STT3B: variants seen among roughly 807,000 people sequenced by gnomAD.
STT3B encodes dolichyl-diphosphooligosaccharide--protein glycosyltransferase subunit STT3B.
STT3B carries 29 observed loss-of-function variants against 96.8 expected under a neutral mutation model. The observed-to-expected ratio is 0.30, with a 90% CI of 0.22 to 0.41. The LOEUF (loss-of-function observed/expected upper bound fraction) is 0.41. Ranked by LOEUF, STT3B falls within the 10% of genes least tolerant of loss-of-function variation. The probability of loss-of-function intolerance (pLI) is 1.00; values close to 1 mark genes in which losing one functional copy is unlikely to be tolerated. For missense variants in STT3B, 640 were observed against 1,022.3 expected (o/e 0.63, Z 5.10); for synonymous variants, 367 against 360.0 (o/e 1.02, Z -0.22).
intron 8 of STT3B, 30 bp from the exon 9 acceptor site, chr3:31,619,646 T>C: frequency 1.3e-6 from 2 of 1,582,892 alleles, no homozygotes. Context: ...ATCACTTAAT[T>C]GTAAACAATA....
intron 1 of STT3B, among the ~76,000 whole-genome samples, chr3:31,571,342 C>T (rs1479005685): frequency 6.6e-6 from 1 of 151,150 alleles, no homozygotes; most frequent in African/African-American, 2.4e-5. Context: ...CCAGTTATGC[C>T]TTCAATACTT....
chr3:31,534,210 C>T (rs1362126044), intron 1 of STT3B, among the ~76,000 whole-genome samples: 1 of 152,162 alleles, frequency 6.6e-6, no homozygotes, highest in African/African-American at 2.4e-5. Flanking sequence ...AACAGTACCA[C>T]GGTGATGGGA....
chr3:31,592,208 T>C (rs1334374482), intron 3 of STT3B, among the ~76,000 whole-genome samples: 1 of 152,210 alleles, frequency 6.6e-6, no homozygotes, highest in African/African-American at 2.4e-5. Flanking sequence ...TGGAATCATA[T>C]AGTAGTTGTC....
At chr3:31,560,948 ATTTC>A (rs1225323970) in intron 1 of STT3B, among the ~76,000 whole-genome samples, 1 of 151,880 alleles carries the variant, frequency 6.6e-6, no homozygotes, top group Admixed American at 6.6e-5. Flanking sequence ...TTTAAAATTT[ATTTC>A]TTTATTTTTG....
intron 13 of STT3B, among the ~76,000 whole-genome samples, chr3:31,627,842 A>C (rs1699567548): frequency 6.6e-6 from 1 of 152,224 alleles, no homozygotes; most frequent in African/African-American, 2.4e-5. Context: ...TTAATATTAC[A>C]GAAGTCCTAA....
At chr3:31,607,398 C>G (rs561083545) in intron 5 of STT3B, among the ~76,000 whole-genome samples, 6 of 152,178 alleles carry the variant, frequency 3.9e-5, no homozygotes, top group Middle Eastern at 6.8e-3. Flanking sequence ...TGGGAGAGAC[C>G]CGGTGGGAAA....
At chr3:31,607,173 G>C (rs576920589) in intron 5 of STT3B, among the ~76,000 whole-genome samples, 1 of 152,256 alleles carries the variant, frequency 6.6e-6, no homozygotes, top group South Asian at 2.1e-4. Context: ...GAAGGGATTT[G>C]CCTTGTCTTG....
At chr3:31,535,665 G>A (rs910969500) in intron 1 of STT3B, among the ~76,000 whole-genome samples, 5 of 152,188 alleles carry the variant, frequency 3.3e-5, no homozygotes, top group African/African-American at 1.2e-4. Flanking sequence ...GAAGGTTGCA[G>A]TGAGCCGAGA....
intron 1 of STT3B, among the ~76,000 whole-genome samples, chr3:31,549,892 C>A (rs922356988): frequency 6.6e-6 from 1 of 152,028 alleles, no homozygotes; most frequent in Non-Finnish European, 1.5e-5. Flanking sequence ...TTTAGATTTC[C>A]ATCTCTATTG....
intron 1 of STT3B, among the ~76,000 whole-genome samples, chr3:31,559,636 A>G (rs1697820304): frequency 6.6e-6 from 1 of 151,970 alleles, no homozygotes; most frequent in African/African-American, 2.4e-5. Flanking sequence ...ATCCTGGAGA[A>G]TGTTTCTTGT....
chr3:31,633,222 G>T, intron 15 of STT3B, 75 bp downstream of exon 15: 2 of 1,314,348 alleles, frequency 1.5e-6, no homozygotes, highest in Non-Finnish European at 2.1e-6. Context: ...TCTGGAAATT[G>T]CAATAAATTT....
chr3:31,590,458 A>T (rs185337798), intron 3 of STT3B, among the ~76,000 whole-genome samples: 25 of 152,006 alleles, frequency 1.6e-4, no homozygotes, highest in Non-Finnish European at 2.1e-4. Context: ...CTTTAGCTGT[A>T]GTCTCTGTGT....
chr3:31,610,485 A>ATGCAG (rs1306372430), intron 5 of STT3B, among the ~76,000 whole-genome samples: 3 of 152,080 alleles, frequency 2.0e-5, no homozygotes, highest in South Asian at 2.1e-4. Context: ...GTAAGCTGCA[A>ATGCAG]TGCCTTATCA....
chr3:31,538,531 A>C (rs1000484803), intron 1 of STT3B, among the ~76,000 whole-genome samples: 1 of 152,130 alleles, frequency 6.6e-6, no homozygotes, highest in East Asian at 1.9e-4. Flanking sequence ...GGTGTAATTT[A>C]TGTGAAACTC....
chr3:31,620,896 C>A (rs554343423), intron 9 of STT3B, among the ~76,000 whole-genome samples: 104 of 151,560 alleles, frequency 6.9e-4, no homozygotes, highest in Non-Finnish European at 1.1e-3. Context: ...ATTGCACACT[C>A]ATTGTTCTCT....
At chr3:31,626,544 G>A (rs1485337885) in intron 13 of STT3B, among the ~76,000 whole-genome samples, 1 of 152,038 alleles carries the variant, frequency 6.6e-6, no homozygotes, top group Non-Finnish European at 1.5e-5. Flanking sequence ...GTTACTTTTA[G>A]GCTCAAAAGA....
chr3:31,592,686 T>C (rs1197150860), intron 3 of STT3B, among the ~76,000 whole-genome samples: 2 of 152,196 alleles, frequency 1.3e-5, no homozygotes, highest in Admixed American at 6.5e-5. Context: ...TGAGTAGTAA[T>C]GTTGAGCATA....
At chr3:31,543,803 G>T (rs142605177) in intron 1 of STT3B, among the ~76,000 whole-genome samples, 333 of 152,318 alleles carry the variant, frequency 2.2e-3, no homozygotes, top group African/African-American at 7.8e-3. Context: ...CTTTGAGGAA[G>T]ATTTTAGTTT....
intron 4 of STT3B, among the ~76,000 whole-genome samples, chr3:31,598,279 A>G (rs1017672739): frequency 5.3e-5 from 8 of 152,270 alleles, no homozygotes; most frequent in Non-Finnish European, 7.3e-5. Context: ...TTAACACTCA[A>G]TTTTAAATAT....
Sources: allele counts gnomAD v4.1 joint callset (sites outside exome capture counted in the v4.1 genomes callset), GRCh38; gene constraint gnomAD v4.1.1; transcripts MANE v1.5; gene names NCBI Gene and HGNC (gene_info 2026-07-23, HGNC 2026-07-21).